Variants in RPGRIP1 observed in about 807,000 individuals in gnomAD.
RPGRIP1 encodes X-linked retinitis pigmentosa GTPase regulator-interacting protein 1.
In RPGRIP1, 128 loss-of-function variants were observed where a neutral mutation model predicts 157.9. The observed-to-expected ratio is 0.81, with a 90% CI of 0.70 to 0.94. The LOEUF is 0.94. Among genes scored for constraint, RPGRIP1 ranks in the 40% least tolerant of loss-of-function variants. The pLI is 0.00. For synonymous variants in RPGRIP1, 554 were observed against 571.6 expected (o/e 0.97, Z 0.44); for missense variants, 1,486 against 1,545.8 (o/e 0.96, Z 0.65).
intron 8 of RPGRIP1, among the ~76,000 whole-genome samples, chr14:21,311,264 C>T (rs532090459): frequency 1.4e-3 from 216 of 152,290 alleles, no homozygotes; most frequent in African/African-American, 4.9e-3. Flanking sequence ...AAAATTAAGG[C>T]TCAAGGGCCA....
intron 3 of RPGRIP1, among the ~76,000 whole-genome samples, chr14:21,298,842 A>C (rs1410603811): frequency 6.8e-6 from 1 of 146,686 alleles, no homozygotes; most frequent in East Asian, 2.3e-4. Context: ...CGGGAGGCTG[A>C]GGCAGGAGAA....
rs1566342086 is a variant in RPGRIP1 at position 21,324,905 on chromosome 14, A to G, written c.2050A>G (p.Met684Val). The G allele has an allele frequency of 6.2e-7, 1 of 1,614,014 alleles. No individual in the cohort carries two copies. Among genetic ancestry groups the G allele is most frequent in the South Asian group, 1.1e-5 (1 of 91,082 alleles). The change falls in exon 15 of 25, where the codon ATG (methionine) becomes GTG (valine). Residue 684 changes from methionine to valine, a missense_variant. By Grantham distance (21) the Met-to-Val change is conservative (BLOSUM62 1). Transcript: ENST00000400017. ...CTATGACTTCACCTCCCAGTATGTGATGGAGACAGATTCGCTTTTCTTACA... is the reference window on the plus strand; with the variant it reads ...CTATGACTTCACCTCCCAGTATGTGGTGGAGACAGATTCGCTTTTCTTACA... ...PLYDFTSQYV[M>V]ETDSLFLHYL...
intron 3 of RPGRIP1, among the ~76,000 whole-genome samples, chr14:21,299,008 C>T (rs1490975175): frequency 6.8e-6 from 1 of 146,766 alleles, no homozygotes; most frequent in Non-Finnish European, 1.5e-5. Flanking sequence ...CAGCACTCTT[C>T]AGAGTTGGTG....
chr14:21,339,439 G>A (rs562381645), intron 21 of RPGRIP1, among the ~76,000 whole-genome samples: 1 of 151,926 alleles, frequency 6.6e-6, no homozygotes, highest in Non-Finnish European at 1.5e-5. Context: ...AGCGAAACTC[G>A]GTCTCAAAAA....
At chr14:21,297,423 A>C (rs112652884) in intron 3 of RPGRIP1, among the ~76,000 whole-genome samples, 1 of 152,136 alleles carries the variant, frequency 6.6e-6, no homozygotes. Context: ...ACTTCAAAAC[A>C]TATTATTATA....
Position 21,330,320 on chromosome 14 carries a change from C to T in RPGRIP1, c.3171C>T (p.His1057=), listed in dbSNP as rs201838837. The change falls in exon 20 of 25, where the codon CAC becomes CAT. Residue 1057 remains histidine, a synonymous_variant. Coordinates refer to ENST00000400017, the MANE Select transcript of RPGRIP1 (RefSeq NM_020366.4). Reference sequence around the variant, plus strand: ...TAGGTGATGGCTTTAAAAATCAGCACGAGGAAGAGGAAATGACATTATCCC... The same window carrying T: ...TAGGTGATGGCTTTAAAAATCAGCATGAGGAAGAGGAAATGACATTATCCC... ...SFIGDGFKNQ[H]EEEEMTLSHS... 1,224 of 1,580,052 alleles carry T rather than the reference C, an allele frequency of 7.7e-4. 3 individuals are homozygous for T. Among genetic ancestry groups the T allele is most frequent in the Non-Finnish European group, 9.8e-4 (1,146 of 1,165,816 alleles).
Position 21,325,877 on chromosome 14 carries a change from TCAC to T in RPGRIP1, c.2417_2419del (p.Thr806del). 1 of 1,613,894 alleles carries T rather than the reference TCAC, an allele frequency of 6.2e-7. No individual in the cohort carries two copies. Among genetic ancestry groups the T allele is most frequent in the Non-Finnish European group, 8.5e-7 (1 of 1,179,798 alleles). On this transcript the variant is annotated inframe_deletion, in exon 17 of 25. Transcript: ENST00000400017. ...CCTCAGAACGAGCTGTGGATTGAAA[TCAC>T]CAAGTGCTGTGGCCTCCGGAGTCGA...
At position 21,310,492 on chromosome 14, in the gene RPGRIP1, A is replaced by G. The variant is rs1881495940; in HGVS notation, c.907-92A>G. ...TGATTTGTTTTGTGGGATTTTTATA[A>G]TGTCTTTAAAAATGTTAAGCATTAT... On this transcript the variant is annotated intron_variant, in intron 7 of 24. Coordinates refer to ENST00000400017, the MANE Select transcript of RPGRIP1 (RefSeq NM_020366.4). The G allele has an allele frequency of 4.5e-6, 3 of 665,280 alleles. No individual in the cohort carries two copies. The South Asian group carries it at 6.8e-5, about 15-fold the overall frequency. 41.2% of individuals were successfully genotyped at this position (665,280 alleles called of 1,614,324 possible).
intron 21 of RPGRIP1, among the ~76,000 whole-genome samples, chr14:21,337,462 G>A: frequency 8.0e-6 from 1 of 124,668 alleles, no homozygotes; most frequent in Admixed American, 8.2e-5. Context: ...TTTTGAGATA[G>A]AGTCTTGTTC....
chr14:21,350,809 A>C (rs1886186263), intron 24 of RPGRIP1, among the ~76,000 whole-genome samples: 1 of 152,232 alleles, frequency 6.6e-6, no homozygotes, highest in East Asian at 1.9e-4. Flanking sequence ...CCTCCATGCC[A>C]TTTGTATGTG....
At chr14:21,333,682 T>A (rs1327490527) in intron 20 of RPGRIP1, among the ~76,000 whole-genome samples, 1 of 152,138 alleles carries the variant, frequency 6.6e-6, no homozygotes, top group Non-Finnish European at 1.5e-5. Flanking sequence ...TTGCTTGGGC[T>A]TCCTCACAGG....
chr14:21,301,617 C>A (rs753283688), intron 4 of RPGRIP1, among the ~76,000 whole-genome samples: 13 of 151,322 alleles, frequency 8.6e-5, no homozygotes, highest in Non-Finnish European at 1.8e-4. Context: ...GCGGAGGTTG[C>A]AGTGAGCTGA....
intron 1 of RPGRIP1, among the ~76,000 whole-genome samples, chr14:21,280,724 C>A (rs764591300): frequency 1.3e-5 from 2 of 152,008 alleles, no homozygotes; most frequent in Non-Finnish European, 2.9e-5. Context: ...CCCCCACCCC[C>A]CTCCTTCCCT....
At chr14:21,321,125 A>G in intron 12 of RPGRIP1, 134 bp from the exon 13 acceptor site, 1 of 845,922 alleles carries the variant, frequency 1.2e-6, no homozygotes, top group Non-Finnish European at 1.8e-6. Flanking sequence ...GAAGTCATAC[A>G]GGTCCTTGTT....
At chr14:21,345,898 C>A (rs1885519719) in intron 23 of RPGRIP1, among the ~76,000 whole-genome samples, 1 of 152,146 alleles carries the variant, frequency 6.6e-6, no homozygotes, top group South Asian at 2.1e-4. Flanking sequence ...TGGCTCACTG[C>A]AACCTCCACC....
chr14:21,293,642 G>A lies in RPGRIP1; in HGVS notation c.86-1035G>A, dbSNP rs573729293. On this transcript the variant is annotated intron_variant, in intron 2 of 24. Transcript: ENST00000400017. ...ACCTGTAATCCCAGCACTTTGGGAGGCCGAAGCGGGTGGATCACAAGGTCA... is the reference window on the plus strand; with the variant it reads ...ACCTGTAATCCCAGCACTTTGGGAGACCGAAGCGGGTGGATCACAAGGTCA... Among the ~76,000 whole-genome samples, 3 of 152,246 alleles carry A rather than the reference G, an allele frequency of 2.0e-5. No individual in the cohort carries two copies. In the South Asian group the frequency reaches 6.2e-4, roughly 32 times the overall value.
At chr14:21,319,677 G>C (rs529387819) in intron 11 of RPGRIP1, among the ~76,000 whole-genome samples, 1 of 152,260 alleles carries the variant, frequency 6.6e-6, no homozygotes, top group Admixed American at 6.5e-5. Flanking sequence ...AGAATGGAGT[G>C]GGGGTGGAGT....
At position 21,344,914 on chromosome 14, in the gene RPGRIP1, C is replaced by G. The variant is rs72684734; in HGVS notation, c.3533-199C>G. On this transcript the variant is annotated intron_variant, in intron 22 of 24. Transcript: ENST00000400017. ...TGAACCAAGATCACGCCACTGCACT[C>G]TAGCCTGACACAGTAAGAATCTGTC... Among the ~76,000 whole-genome samples the G allele has an allele frequency of 0.1, 15,348 of 152,198 alleles. 974 individuals carry two copies. The highest frequency in any genetic ancestry group is 0.21 in the Middle Eastern group (61 of 294).
intron 1 of RPGRIP1, among the ~76,000 whole-genome samples, 67 bp downstream of exon 1, chr14:21,280,226 T>C (rs1279168050): frequency 6.7e-6 from 1 of 149,020 alleles, no homozygotes; most frequent in South Asian, 2.1e-4. Context: ...TTGAGAAGAA[T>C]GAAATAAGTT....
Sources: gnomAD v4.1 joint callset for allele counts (sites outside exome capture counted in the v4.1 genomes callset) on GRCh38, gnomAD v4.1.1 for gene constraint, MANE v1.5 for transcripts, NCBI Gene and HGNC (gene_info 2026-07-23, HGNC 2026-07-21) for gene names.